The following LCLAT1 variants were observed in gnomAD, a reference collection of about 807,000 sequenced individuals.
LCLAT1 encodes lysocardiolipin acyltransferase 1.
LCLAT1 carries 11 observed loss-of-function variants against 30.7 expected under a neutral mutation model. The ratio of observed to expected loss-of-function variants is 0.36; its 90% CI spans 0.23 to 0.59. The LOEUF is 0.59. LCLAT1 is among the 20% of genes least tolerant of loss of function. LCLAT1 has a pLI of 0.77. For missense variants in LCLAT1, 402 were observed against 458.6 expected, an observed-to-expected ratio of 0.88 and a Z score of 1.13; for synonymous variants, 155 against 151.3, an observed-to-expected ratio of 1.02 and a Z score of -0.18.
chr2:30,469,732 C>G (rs775374944), intron 1 of LCLAT1, among the ~76,000 whole-genome samples: 32 of 151,994 alleles, frequency 2.1e-4, no homozygotes, highest in Non-Finnish European at 3.7e-4. Context: ...GTGCCCACCA[C>G]CACACCTGGC....
At chr2:30,459,457 C>T (rs1681992148) in intron 1 of LCLAT1, 6 of 668,430 alleles carry the variant, frequency 9.0e-6, no homozygotes, top group African/African-American at 3.6e-5. Context: ...TCCCTGGGCC[C>T]GTAATCTGTT....
At chr2:30,460,459 G>GT (rs1572472221) in intron 1 of LCLAT1, among the ~76,000 whole-genome samples, 3 of 152,008 alleles carry the variant, frequency 2.0e-5, no homozygotes, top group South Asian at 2.1e-4. Context: ...TGCTTTTGAT[G>GT]TTTTTTCTCC....
intron 5 of LCLAT1, among the ~76,000 whole-genome samples, chr2:30,601,876 T>TTGTTTTGTTGTAG (rs1667202752): frequency 1.4e-5 from 2 of 142,188 alleles, no homozygotes; most frequent in African/African-American, 5.1e-5. Flanking sequence ...GATATCTATC[T>TTGTTTTGTTGTAG]ATAGATATAT....
intron 3 of LCLAT1, among the ~76,000 whole-genome samples, chr2:30,540,297 G>A (rs1664069819): frequency 6.6e-6 from 1 of 152,128 alleles, no homozygotes; most frequent in Non-Finnish European, 1.5e-5. Flanking sequence ...CCATGTCAGT[G>A]TATCTATTGC....
At chr2:30,448,650 C>T (rs1681388732) in intron 1 of LCLAT1, among the ~76,000 whole-genome samples, 1 of 152,240 alleles carries the variant, frequency 6.6e-6, no homozygotes, top group Non-Finnish European at 1.5e-5. Flanking sequence ...TCGTCTGCAT[C>T]TGCCCCCACC....
intron 1 of LCLAT1, among the ~76,000 whole-genome samples, chr2:30,485,278 C>G (rs1242536475): frequency 1.3e-5 from 2 of 152,162 alleles, no homozygotes; most frequent in Non-Finnish European, 2.9e-5. Context: ...AGATATATAG[C>G]TAACGTTTAC....
chr2:30,497,750 T>A (rs988277393), intron 1 of LCLAT1, among the ~76,000 whole-genome samples: 46 of 152,222 alleles, frequency 3.0e-4, no homozygotes, highest in African/African-American at 1.1e-3. Context: ...TTCTTATTAT[T>A]TTTTAATGCA....
intron 3 of LCLAT1, among the ~76,000 whole-genome samples, chr2:30,534,641 T>C (rs1303185599): frequency 1.8e-4 from 27 of 152,190 alleles, no homozygotes; most frequent in Admixed American, 1.6e-3. Flanking sequence ...TTTTCCAATA[T>C]AGTGATCTCA....
In LCLAT1 at chr2:30,476,383, G is replaced by C. The variant is rs747748012; in HGVS notation, c.-5+29000G>C. 6.1e-5 allele frequency: 28 copies of C among 456,524 alleles called. 1 individual carries two copies. Among genetic ancestry groups the C allele is most frequent in the South Asian group, 4.3e-4 (28 of 64,570 alleles). The allele number at this position is 456,524 out of a possible 1,614,324, so 28.3% of individuals were successfully genotyped here. ...GGTGAATGGCAGGACAGCAATCAAA[G>C]TTTCATCTGTCTTTACAGCCACTCC... On this transcript the variant is annotated intron_variant, in intron 1 of 5. Coordinates refer to ENST00000379509, the MANE Select transcript of LCLAT1 (RefSeq NM_001002257.3).
At chr2:30,472,156 T>A (rs1276014148) in intron 1 of LCLAT1, among the ~76,000 whole-genome samples, 1 of 152,296 alleles carries the variant, frequency 6.6e-6, no homozygotes, top group East Asian at 1.9e-4. Flanking sequence ...AGAAGAAACA[T>A]CCACATGGTT....
Position 30,640,536 on chromosome 2 carries a change from T to C in LCLAT1, c.1048T>C (p.Phe350Leu). 6.2e-7 allele frequency: 1 copy of C among 1,614,158 alleles called. No homozygotes were observed. The highest frequency in any genetic ancestry group is 8.5e-7 in the Non-Finnish European group (1 of 1,180,014). ...AATCTTTGTGCTGCAAGAGAGAATATTTGGTGGACTGGAGATCATAGAACT... is the reference window on the plus strand; with the variant it reads ...AATCTTTGTGCTGCAAGAGAGAATACTTGGTGGACTGGAGATCATAGAACT... ...IVIFVLQERI[F>L]GGLEIIELAC... Residue 350 changes from phenylalanine to leucine, a missense_variant, in exon 6 of 6, where the codon TTT (phenylalanine) becomes CTT (leucine). By Grantham distance (22) the Phe-to-Leu change is conservative (BLOSUM62 0). Coordinates refer to ENST00000379509, the MANE Select transcript of LCLAT1 (RefSeq NM_001002257.3).
At chr2:30,461,549 C>G (rs536096298) in intron 1 of LCLAT1, among the ~76,000 whole-genome samples, 4 of 151,992 alleles carry the variant, frequency 2.6e-5, no homozygotes, top group Non-Finnish European at 5.9e-5. Context: ...GTGTGTGCCA[C>G]CAGGCCTGGC....
chr2:30,573,085 T>C (rs1434255754), intron 5 of LCLAT1, among the ~76,000 whole-genome samples: 1 of 152,244 alleles, frequency 6.6e-6, no homozygotes, highest in East Asian at 1.9e-4. Flanking sequence ...AAAAACAGAA[T>C]GTACTTACTG....
intron 5 of LCLAT1, among the ~76,000 whole-genome samples, chr2:30,599,556 T>G (rs919594392): frequency 2.6e-5 from 4 of 152,158 alleles, no homozygotes; most frequent in Non-Finnish European, 4.4e-5. Flanking sequence ...GTCAGGGGTG[T>G]TAAAGTCTCC....
At chr2:30,508,314 G>A (rs191287044) in intron 1 of LCLAT1, among the ~76,000 whole-genome samples, 13 of 152,078 alleles carry the variant, frequency 8.5e-5, no homozygotes, top group African/African-American at 2.4e-4. Context: ...TCTTGCTTTC[G>A]TTGCAGTTAC....
intron 5 of LCLAT1, among the ~76,000 whole-genome samples, chr2:30,578,949 A>C (rs1005366990): frequency 4.6e-5 from 7 of 152,202 alleles, no homozygotes; most frequent in Admixed American, 2.0e-4. Flanking sequence ...TATGGAAATT[A>C]TTAATAACCT....
rs930191012 is a variant in LCLAT1 at position 30,469,927 on chromosome 2, C to T, written c.-5+22544C>T. Among the ~76,000 whole-genome samples, 7 of 152,208 alleles carry T rather than the reference C, an allele frequency of 4.6e-5. No individual in the cohort carries two copies. In the East Asian group the frequency reaches 5.8e-4, roughly 13 times the overall value. The stretch of plus-strand genomic sequence containing the variant: ...GTATTTTTTAGTAGAGATGGCGTTT[C>T]GCTGTGTTGGCCAAGCTAGTCTCAA... On this transcript the variant is annotated intron_variant, in intron 1 of 5. Transcript: ENST00000379509.
At chr2:30,470,558 A>G (rs1244135223) in intron 1 of LCLAT1, among the ~76,000 whole-genome samples, 1 of 152,258 alleles carries the variant, frequency 6.6e-6, no homozygotes, top group African/African-American at 2.4e-5. Flanking sequence ...AGGAATGAGC[A>G]GAGACAGCTT....
chr2:30,588,216 CCT>C (rs1666526607), intron 5 of LCLAT1, among the ~76,000 whole-genome samples: 2 of 152,210 alleles, frequency 1.3e-5, no homozygotes, highest in Non-Finnish European at 2.9e-5. Context: ...GTGGTTCTGG[CCT>C]CTCTCTGTCC....
Sources: allele counts gnomAD v4.1 joint callset (sites outside exome capture counted in the v4.1 genomes callset), GRCh38; gene constraint gnomAD v4.1.1; transcripts MANE v1.5; gene names NCBI Gene and HGNC (gene_info 2026-07-23, HGNC 2026-07-21).